CCSER1: variants seen among roughly 807,000 people sequenced by gnomAD.
CCSER1 encodes coiled-coil serine rich protein 1.
Under a neutral mutation model 82.0 loss-of-function variants are expected in CCSER1, and 41 were observed. The ratio of observed to expected loss-of-function variants is 0.50; its 90% CI spans 0.39 to 0.65. The LOEUF is 0.65. Ranked by LOEUF, CCSER1 falls within the 30% of genes least tolerant of loss-of-function variation. The pLI, the probability that CCSER1 is intolerant of heterozygous loss-of-function variation, is 0.00. For synonymous variants in CCSER1, 414 were observed against 383.9 expected (o/e 1.08, Z -0.92); for missense variants, 1,119 against 1,064.2 (o/e 1.05, Z -0.72).
chr4:91,075,376 G>A (rs1421330871), intron 9 of CCSER1, among the ~76,000 whole-genome samples: 1 of 151,844 alleles, frequency 6.6e-6, no homozygotes, highest in Non-Finnish European at 1.5e-5. Context: ...GTATACTGAG[G>A]GAAATGAATT....
intron 1 of CCSER1, among the ~76,000 whole-genome samples, chr4:90,283,949 A>T (rs1005471595): frequency 6.6e-6 from 1 of 152,062 alleles, no homozygotes; most frequent in Non-Finnish European, 1.5e-5. Context: ...CCCACTGTGT[A>T]TAAGGGTTCC....
At chr4:91,275,046 C>G (rs984569851) in intron 10 of CCSER1, among the ~76,000 whole-genome samples, 1 of 151,756 alleles carries the variant, frequency 6.6e-6, no homozygotes, top group Non-Finnish European at 1.5e-5. Context: ...GCAGAGCTTG[C>G]AGTGAGCCGA....
chr4:90,395,645 G>C (rs1181486084), intron 3 of CCSER1, among the ~76,000 whole-genome samples: 1 of 150,894 alleles, frequency 6.6e-6, no homozygotes, highest in Non-Finnish European at 1.5e-5. Context: ...AACTCTACTT[G>C]CTATGTGCTC....
chr4:90,305,722 C>G (rs1028015450), intron 1 of CCSER1, among the ~76,000 whole-genome samples: 1 of 152,182 alleles, frequency 6.6e-6, no homozygotes, highest in South Asian at 2.1e-4. Context: ...CTCTTGCACA[C>G]TGTTGGTGGG....
At chr4:90,883,463 G>A (rs1275467834) in intron 8 of CCSER1, among the ~76,000 whole-genome samples, 1 of 151,534 alleles carries the variant, frequency 6.6e-6, no homozygotes, top group Non-Finnish European at 1.5e-5. Flanking sequence ...ACAATATGGA[G>A]TAAAAAAGAA....
At chr4:91,082,970 A>C (rs956439505) in intron 9 of CCSER1, among the ~76,000 whole-genome samples, 1 of 152,240 alleles carries the variant, frequency 6.6e-6, no homozygotes, top group Non-Finnish European at 1.5e-5. Context: ...GTGGGACTGT[A>C]AACTAGTTCA....
chr4:90,667,450 C>T (rs1461814897), intron 6 of CCSER1, among the ~76,000 whole-genome samples: 1 of 152,050 alleles, frequency 6.6e-6, no homozygotes, highest in Non-Finnish European at 1.5e-5. Flanking sequence ...CCCATCAACC[C>T]ATCATATACA....
intron 8 of CCSER1, among the ~76,000 whole-genome samples, chr4:90,867,902 A>T (rs1317811744): frequency 6.6e-6 from 1 of 151,980 alleles, no homozygotes; most frequent in Non-Finnish European, 1.5e-5. Flanking sequence ...GCTGAGTAGT[A>T]CTCATTGTGT....
At chr4:91,472,353 C>T (rs1196326833) in intron 10 of CCSER1, among the ~76,000 whole-genome samples, 1 of 152,132 alleles carries the variant, frequency 6.6e-6, no homozygotes, top group Non-Finnish European at 1.5e-5. Flanking sequence ...ATAAAAGGAA[C>T]TCAAGAGTCT....
chr4:90,790,460 A>C (rs1251172322), intron 7 of CCSER1, among the ~76,000 whole-genome samples: 1 of 152,182 alleles, frequency 6.6e-6, no homozygotes, highest in Non-Finnish European at 1.5e-5. Flanking sequence ...TGCCTCCAGG[A>C]ATTTTAATGT....
At chr4:91,212,408 C>T (rs534765449) in intron 10 of CCSER1, among the ~76,000 whole-genome samples, 2 of 152,060 alleles carry the variant, frequency 1.3e-5, no homozygotes, top group East Asian at 3.9e-4. Flanking sequence ...TCTCTAATGC[C>T]ATCCCTCAGT....
intron 10 of CCSER1, among the ~76,000 whole-genome samples, chr4:91,399,818 T>G (rs1236965812): frequency 1.3e-5 from 2 of 152,014 alleles, no homozygotes; most frequent in African/African-American, 2.4e-5. Context: ...GTGAGGTAAA[T>G]TTATAGTCAT....
At chr4:91,189,163 G>C (rs1446428408) in intron 10 of CCSER1, among the ~76,000 whole-genome samples, 1 of 151,990 alleles carries the variant, frequency 6.6e-6, no homozygotes, top group African/African-American at 2.4e-5. Context: ...GCAGGTAAAA[G>C]GTGGTTCCTA....
intron 10 of CCSER1, among the ~76,000 whole-genome samples, chr4:91,158,671 G>T (rs1448403072): frequency 1.3e-5 from 2 of 151,482 alleles, no homozygotes; most frequent in African/African-American, 2.4e-5. Context: ...ACACACAAAC[G>T]TGCAGGCAAA....
intron 9 of CCSER1, among the ~76,000 whole-genome samples, chr4:91,084,334 C>T (rs972377694): frequency 2.0e-5 from 3 of 152,084 alleles, no homozygotes; most frequent in African/African-American, 4.8e-5. Flanking sequence ...ATATGCTGTG[C>T]CTGGCCCTTT....
intron 10 of CCSER1, among the ~76,000 whole-genome samples, chr4:91,505,117 G>C (rs965948734): frequency 1.3e-5 from 2 of 152,042 alleles, no homozygotes. Context: ...ACAGGCCCCA[G>C]TGTGTGGTGT....
chr4:90,269,767 A>C (rs1017549631), intron 1 of CCSER1, among the ~76,000 whole-genome samples: 35 of 151,992 alleles, frequency 2.3e-4, no homozygotes, highest in Non-Finnish European at 1.0e-4. Flanking sequence ...TTAAAAAAAA[A>C]CCTGACAAAC....
chr4:90,779,286 C>G (rs992320470), intron 7 of CCSER1, among the ~76,000 whole-genome samples: 1 of 151,612 alleles, frequency 6.6e-6, no homozygotes, highest in East Asian at 1.9e-4. Context: ...TGTTTTCTTC[C>G]TCTTTTTCTG....
Position 90,157,561 on chromosome 4 carries a change from C to G in CCSER1, c.-42+29730C>G, listed in dbSNP as rs537765592. On this transcript the variant is annotated intron_variant, in intron 1 of 10. Transcript: ENST00000509176. ...CACATAGTCCCATATTTCTTGGAGG[C>G]TTTGTTCGTTTCTTTTTATTCTTTT... Among the ~76,000 whole-genome samples the G allele has an allele frequency of 4.6e-5, 7 of 152,256 alleles. No homozygotes were observed. In the East Asian group the frequency reaches 1.2e-3, roughly 25 times the overall value.
Sources: gnomAD v4.1 joint callset for allele counts (sites outside exome capture counted in the v4.1 genomes callset) on GRCh38, gnomAD v4.1.1 for gene constraint, MANE v1.5 for transcripts, NCBI Gene and HGNC (gene_info 2026-07-23, HGNC 2026-07-21) for gene names.